The following EXOC6 variants were observed in gnomAD, a reference collection of about 807,000 sequenced individuals.
EXOC6 encodes the protein exocyst complex component 6.
Under a neutral mutation model 112.5 loss-of-function variants are expected in EXOC6, and 60 were observed. The observed-to-expected ratio is 0.53, with a 90% confidence interval of 0.43 to 0.66. EXOC6 has a LOEUF of 0.66. Ranked by LOEUF, EXOC6 falls within the 30% of genes least tolerant of loss-of-function variation. The pLI is 0.00. For synonymous variants in EXOC6, 295 were observed against 308.0 expected (o/e 0.96, Z 0.44); for missense variants, 855 against 957.1 (o/e 0.89, Z 1.41).
rs148455196 is a variant in EXOC6, at chr10:92,974,096, A to G, written c.1817A>G (p.Asn606Ser). The G allele has an allele frequency of 1.7e-4, 272 of 1,603,652 alleles. 7 individuals are homozygous for G. In the South Asian group the frequency reaches 2.4e-3, roughly 14 times the overall value. The stretch of plus-strand genomic sequence containing the variant: ...GAAGGAGAAATATATACCAAACTGA[A>G]TCAAAAAATTGATGAATTTGTTCAG... The part of the protein sequence containing the change: ...AAEGEIYTKL[N>S]QKIDEFVQLA... Residue 606 changes from asparagine (N) to serine (S), a missense_variant, in exon 18 of 22, where the codon AAT (asparagine) becomes AGT (serine). Asn to Ser is a conservative substitution (Grantham distance 46). Around this residue, in one of 2 missense-constraint regions of EXOC6, gnomAD observed 450 missense variants for 563.5 expected, o/e 0.80. Coordinates refer to ENST00000260762, the MANE Select transcript of EXOC6 (RefSeq NM_019053.6).
rs1326331 is a variant in EXOC6 at position 92,935,860 on chromosome 10, C to T, written c.1187C>T (p.Thr396Ile). Residue 396 changes from threonine to isoleucine, a missense_variant, in exon 12 of 22, where the codon ACT (threonine) becomes ATT (isoleucine). Around this residue, in one of 2 missense-constraint regions of EXOC6, gnomAD observed 450 missense variants for 563.5 expected, o/e 0.80. Transcript: ENST00000260762. The part of the protein sequence containing the change: ...PDLVLELKNL[T>I]VIFADTLQGY... ...CTTGTTCTGGAGCTGAAGAATCTTA[C>T]TGTAATATTTGCAGATACTTTACAG... 1,148,097 of 1,601,914 alleles carry T rather than the reference C, an allele frequency of 0.72. 418,623 individuals are homozygous for T. Among genetic ancestry groups the T allele is most frequent in the East Asian group, 1 (44,566 of 44,634 alleles).
At chr10:92,911,318 T>C (rs1202785810) in intron 6 of EXOC6, among the ~76,000 whole-genome samples, 1 of 152,188 alleles carries the variant, frequency 6.6e-6, no homozygotes, top group African/African-American at 2.4e-5. Flanking sequence ...TCCTCACCAT[T>C]GTATTCTTCC....
At position 92,848,619 on chromosome 10, in the gene EXOC6, T is replaced by G. The variant is rs1215809824; in HGVS notation, c.86T>G (p.Val29Gly). 3 of 1,439,778 alleles carry G rather than the reference T, an allele frequency of 2.1e-6. No homozygotes were observed. In the Admixed American group the frequency reaches 6.3e-5, roughly 30 times the overall value. 89.2% of individuals were successfully genotyped at this position (1,439,778 alleles called of 1,614,324 possible). The change falls in exon 1 of 22, where the codon GTG becomes GGG. Residue 29 changes from valine (V) to glycine (G), a missense_variant. Transcript: ENST00000260762. ...QEIESTDTAC[V>G]GPTLRSVYDD... ...ATCGAGAGCACCGACACCGCCTGTG[T>G]GGGGCCCACCCTCCGGTAAAGATCT... is the stretch of plus-strand genomic sequence containing the variant.
At chr10:92,888,538 C>T (rs1849344020) in intron 1 of EXOC6, among the ~76,000 whole-genome samples, 1 of 152,170 alleles carries the variant, frequency 6.6e-6, no homozygotes, top group Non-Finnish European at 1.5e-5. Context: ...TCAAATCCTC[C>T]CTTGAAGGGA....
At chr10:92,953,861 T>C (rs1156914257) in intron 15 of EXOC6, among the ~76,000 whole-genome samples, 1 of 152,222 alleles carries the variant, frequency 6.6e-6, no homozygotes, top group South Asian at 2.1e-4. Context: ...AAAAAATCAA[T>C]GAAAATGGAT....
chr10:93,018,741 A>C (rs781585345), intron 20 of EXOC6, among the ~76,000 whole-genome samples: 12 of 152,150 alleles, frequency 7.9e-5, no homozygotes, highest in Non-Finnish European at 1.8e-4. Flanking sequence ...TTTGTTTTAA[A>C]ATACTTTAAA....
intron 8 of EXOC6, among the ~76,000 whole-genome samples, chr10:92,925,344 G>GACC (rs931771170): frequency 6.6e-6 from 1 of 151,978 alleles, no homozygotes; most frequent in African/African-American, 2.4e-5. Context: ...GCCCAGGCTG[G>GACC]AGTGCAGTGG....
chr10:92,955,337 G>A (rs1452167735), intron 16 of EXOC6, among the ~76,000 whole-genome samples: 1 of 151,522 alleles, frequency 6.6e-6, no homozygotes, highest in Non-Finnish European at 1.5e-5. Flanking sequence ...ACTATGAAAA[G>A]TTATTTTAAA....
chr10:92,947,119 T>C (rs1853067632), intron 13 of EXOC6, among the ~76,000 whole-genome samples: 2 of 152,326 alleles, frequency 1.3e-5, no homozygotes, highest in Non-Finnish European at 2.9e-5. Flanking sequence ...AATGATTGGA[T>C]GACAGTTACG....
At chr10:92,905,108 G>A (rs1328265938) in intron 5 of EXOC6, among the ~76,000 whole-genome samples, 1 of 151,896 alleles carries the variant, frequency 6.6e-6, no homozygotes, top group Non-Finnish European at 1.5e-5. Flanking sequence ...GTATTTCTGT[G>A]CTTTCTGTTT....
intron 17 of EXOC6, among the ~76,000 whole-genome samples, chr10:92,966,337 G>A (rs1250705807): frequency 6.7e-6 from 1 of 148,382 alleles, no homozygotes; most frequent in African/African-American, 2.5e-5. Context: ...TGCACAATGT[G>A]CAGGTTAGTT....
chr10:92,972,544 A>G (rs1313021465), intron 17 of EXOC6, among the ~76,000 whole-genome samples: 1 of 152,176 alleles, frequency 6.6e-6, no homozygotes, highest in Non-Finnish European at 1.5e-5. Context: ...TACACCAAAT[A>G]TGAGTGTTCC....
intron 6 of EXOC6, among the ~76,000 whole-genome samples, chr10:92,912,653 A>G (rs1265613047): frequency 6.6e-6 from 1 of 152,212 alleles, no homozygotes; most frequent in African/African-American, 2.4e-5. Context: ...ACAGAAACAC[A>G]GTCTTTCCAT....
At chr10:92,896,183 T>A (rs11187203) in intron 4 of EXOC6, among the ~76,000 whole-genome samples, 228 of 2,518 alleles carry the variant, frequency 0.091, no homozygotes, top group Middle Eastern at 0.12. Flanking sequence ...ATATATATAT[T>A]TTTTTTTTTT....
intron 5 of EXOC6, among the ~76,000 whole-genome samples, chr10:92,907,071 T>C (rs1850484717): frequency 6.6e-6 from 1 of 152,148 alleles, no homozygotes; most frequent in Non-Finnish European, 1.5e-5. Flanking sequence ...TGATAAACTT[T>C]CTATATATCT....
upstream of EXOC6, chr10:92,834,596 G>A (rs893778859): frequency 3.1e-5 from 19 of 603,520 alleles, no homozygotes; most frequent in South Asian, 1.1e-4. Flanking sequence ...CAGACAGTGA[G>A]CTTGTTTTTG....
At chr10:93,013,719 A>T (rs1476956282) in intron 19 of EXOC6, among the ~76,000 whole-genome samples, 6 of 152,246 alleles carry the variant, frequency 3.9e-5, no homozygotes, top group African/African-American at 1.4e-4. Context: ...TGTAAAGTTG[A>T]CTTCTTACCT....
upstream of EXOC6, among the ~76,000 whole-genome samples, chr10:92,831,564 G>T (rs940019355): frequency 6.6e-6 from 1 of 152,024 alleles, no homozygotes; most frequent in African/African-American, 2.4e-5. Context: ...CTCCCGAATA[G>T]CTGGGACTAC....
At chr10:92,906,317 C>A (rs1013875518) in intron 5 of EXOC6, among the ~76,000 whole-genome samples, 4 of 151,882 alleles carry the variant, frequency 2.6e-5, no homozygotes, top group African/African-American at 9.7e-5. Context: ...TTTCATGTAT[C>A]TTGTAAATTT....
Sources: allele counts gnomAD v4.1 joint callset (sites outside exome capture counted in the v4.1 genomes callset), GRCh38; gene constraint gnomAD v4.1.1; regional missense constraint gnomAD v4.1.1; transcripts MANE v1.5; gene names NCBI Gene and HGNC (gene_info 2026-07-23, HGNC 2026-07-21).